The following THSD7A variants were observed in gnomAD, a reference collection of about 807,000 sequenced individuals.
THSD7A encodes thrombospondin type 1 domain containing 7A.
Under a neutral mutation model 231.3 loss-of-function variants are expected in THSD7A, and 96 were observed. The ratio of observed to expected loss-of-function variants is 0.41; its 90% CI spans 0.35 to 0.49. The LOEUF (loss-of-function observed/expected upper bound fraction) is 0.49, where lower values mean the gene tolerates loss of function less well. THSD7A is among the 20% of genes least tolerant of loss of function. The probability of loss-of-function intolerance (pLI) is 0.05; values close to 1 mark genes in which losing one functional copy is unlikely to be tolerated. For synonymous variants in THSD7A, 940 were observed against 743.3 expected (o/e 1.26, Z -4.30); for missense variants, 2,290 against 2,070.2 (o/e 1.11, Z -2.06).
In THSD7A at chr7:11,541,638, T is replaced by A. The variant is rs62432836; in HGVS notation, c.1610-7A>T. The stretch of plus-strand genomic sequence containing the variant: ...CGCTTCCTCAGTTTGAAGCCTGAAT[T>A]ATGGGGGAAGGAAAAATCTATTGTT... On this transcript the variant is annotated splice_polypyrimidine_tract_variant and splice_region_variant and intron_variant, in intron 5 of 27. Transcript: ENST00000423059. 0.02 allele frequency: 31,609 copies of A among 1,612,466 alleles called. 657 individuals carry two copies. Among genetic ancestry groups the A allele is most frequent in the African/African-American group, 0.086 (6,447 of 74,942 alleles).
intron 1 of THSD7A, among the ~76,000 whole-genome samples, chr7:11,790,545 A>T (rs1359070476): frequency 3.9e-5 from 6 of 152,032 alleles, no homozygotes. Flanking sequence ...TTTTTGCATG[A>T]AGAAATTGAA....
chr7:11,672,588 A>G (rs1044525755), intron 1 of THSD7A, among the ~76,000 whole-genome samples: 2 of 152,182 alleles, frequency 1.3e-5, no homozygotes, highest in African/African-American at 4.8e-5. Flanking sequence ...CATCTTTATT[A>G]TCAATATAAT....
intron 23 of THSD7A, 123 bp from the exon 24 acceptor site, chr7:11,382,739 AATTT>A: frequency 1.2e-6 from 1 of 801,824 alleles, no homozygotes; most frequent in South Asian, 1.7e-5. Context: ...TTCAAATGTC[AATTT>A]ATTGTCCTGA....
intron 1 of THSD7A, among the ~76,000 whole-genome samples, chr7:11,716,029 A>G (rs934168684): frequency 6.6e-6 from 1 of 151,584 alleles, no homozygotes; most frequent in African/African-American, 2.4e-5. Context: ...TCAGGACTTG[A>G]TAACGATGTC....
intron 1 of THSD7A, among the ~76,000 whole-genome samples, chr7:11,726,557 AC>A (rs968938377): frequency 6.6e-6 from 1 of 151,844 alleles, no homozygotes; most frequent in Non-Finnish European, 1.5e-5. Context: ...TTTTTTTTGC[AC>A]CCTAATGGTT....
chr7:11,423,382 T>G (rs1350493241), intron 16 of THSD7A, among the ~76,000 whole-genome samples: 1 of 151,136 alleles, frequency 6.6e-6, no homozygotes, highest in African/African-American at 2.4e-5. Flanking sequence ...TTTTTTTTTT[T>G]TTTTGAGATG....
At chr7:11,502,846 A>T (rs1787392650) in intron 6 of THSD7A, among the ~76,000 whole-genome samples, 1 of 152,216 alleles carries the variant, frequency 6.6e-6, no homozygotes, top group African/African-American at 2.4e-5. Flanking sequence ...GATGGATAGA[A>T]AGAATCAGTA....
intron 4 of THSD7A, among the ~76,000 whole-genome samples, chr7:11,558,116 C>T (rs79554269): frequency 0.043 from 6,526 of 152,198 alleles, 190 homozygotes; most frequent in South Asian, 0.075. Context: ...TTCTTTAGCT[C>T]CAACCTTGAG....
chr7:11,403,894 T>G (rs1783495027), intron 22 of THSD7A, among the ~76,000 whole-genome samples: 1 of 152,150 alleles, frequency 6.6e-6, no homozygotes, highest in African/African-American at 2.4e-5. Context: ...ATTAAACACA[T>G]GAGATGTATT....
intron 2 of THSD7A, among the ~76,000 whole-genome samples, chr7:11,601,861 T>C (rs991406531): frequency 2.0e-5 from 3 of 152,330 alleles, no homozygotes; most frequent in Non-Finnish European, 4.4e-5. Context: ...TTCCATAGAA[T>C]AGCAGCCTTC....
Position 11,516,356 on chromosome 7 carries a change from C to T in THSD7A, c.1822+25063G>A, listed in dbSNP as rs1030478300. Among the ~76,000 whole-genome samples the T allele has an allele frequency of 3.3e-5, 5 of 152,112 alleles. 1 individual carries two copies. The highest frequency in any genetic ancestry group is 2.0e-4 in the Admixed American group (3 of 15,272). ...TATGGTTATTGATTAAGCTAATGTC[C>T]GTGTACCCGAGGAATGATTTGGTGA... is the stretch of plus-strand genomic sequence containing the variant. On this transcript the variant is annotated intron_variant, in intron 6 of 27. Transcript: ENST00000423059.
intron 4 of THSD7A, among the ~76,000 whole-genome samples, chr7:11,589,514 G>T (rs1158890185): frequency 6.6e-6 from 1 of 152,186 alleles, no homozygotes; most frequent in Non-Finnish European, 1.5e-5. Flanking sequence ...AAACTTGGTT[G>T]TATGGCATGG....
intron 1 of THSD7A, among the ~76,000 whole-genome samples, chr7:11,638,589 G>A (rs1246484001): frequency 1.3e-5 from 2 of 152,188 alleles, no homozygotes; most frequent in Non-Finnish European, 2.9e-5. Context: ...ATTATTGCAT[G>A]AAAGTAAATA....
chr7:11,417,462 G>T lies in THSD7A; in HGVS notation c.3525C>A (p.Thr1175=), dbSNP rs752026959. ...TTAATCATCTCACCAAAACACATTG[G>T]GTCCATGGACCCCATTCAGATATCA... ...DCVISEWGPW[T]QCVLPCNQSS... is the part of the protein sequence containing the mutation. The change falls in exon 17 of 28, where the codon ACC becomes ACA. Residue 1175 remains threonine, a synonymous_variant. Coordinates refer to ENST00000423059, the MANE Select transcript of THSD7A (RefSeq NM_015204.3). 1 of 1,597,470 alleles carries T rather than the reference G, an allele frequency of 6.3e-7. No homozygotes were observed. The highest frequency in any genetic ancestry group is 1.1e-5 in the South Asian group (1 of 87,342).
chr7:11,782,874 T>C (rs937127643), intron 1 of THSD7A, among the ~76,000 whole-genome samples: 1 of 152,184 alleles, frequency 6.6e-6, no homozygotes, highest in Non-Finnish European at 1.5e-5. Flanking sequence ...ATTTTCTATT[T>C]TACTTGAATC....
At chr7:11,513,735 T>C (rs957891562) in intron 6 of THSD7A, among the ~76,000 whole-genome samples, 2 of 152,226 alleles carry the variant, frequency 1.3e-5, no homozygotes, top group Non-Finnish European at 2.9e-5. Context: ...CACAACATTA[T>C]GGATATACTA....
chr7:11,803,385 T>C (rs1459751248), intron 1 of THSD7A, among the ~76,000 whole-genome samples: 2 of 152,148 alleles, frequency 1.3e-5, no homozygotes, highest in African/African-American at 4.8e-5. Flanking sequence ...TAAGTTCTGC[T>C]TCAAAATTTA....
At chr7:11,464,145 T>C (rs928854194) in intron 9 of THSD7A, among the ~76,000 whole-genome samples, 4 of 152,024 alleles carry the variant, frequency 2.6e-5, no homozygotes, top group Admixed American at 2.6e-4. Context: ...GTTTTATGTG[T>C]ATGAACTGTC....
At chr7:11,661,702 G>C (rs896942216) in intron 1 of THSD7A, among the ~76,000 whole-genome samples, 2 of 150,802 alleles carry the variant, frequency 1.3e-5, no homozygotes, top group African/African-American at 4.8e-5. Context: ...ATTGAATTAA[G>C]AAGAAAAAAG....
Sources: allele counts gnomAD v4.1 joint callset (sites outside exome capture counted in the v4.1 genomes callset), GRCh38; gene constraint gnomAD v4.1.1; transcripts MANE v1.5; gene names NCBI Gene and HGNC (gene_info 2026-07-23, HGNC 2026-07-21).